CEP63: variants seen among roughly 807,000 people sequenced by gnomAD.
CEP63 encodes centrosomal protein 63, also known as centrosomal protein of 63 kDa.
A neutral mutation model predicts 89.1 loss-of-function variants in CEP63; 84 were observed. The observed-to-expected ratio is 0.94, with a 90% CI of 0.79 to 1.13. The LOEUF is 1.13. CEP63 is among the 50% of genes most tolerant of loss of function. The pLI, the probability that CEP63 is intolerant of heterozygous loss-of-function variation, is 0.00. For missense variants in CEP63, 838 were observed against 813.3 expected, an observed-to-expected ratio of 1.03 and a Z score of -0.37; for synonymous variants, 267 against 272.5, an observed-to-expected ratio of 0.98 and a Z score of 0.20.
chr3:134,675,237 C>T, the CEP63 span, among the ~76,000 whole-genome samples: 1 of 152,118 alleles, frequency 6.6e-6, no homozygotes, highest in Non-Finnish European at 1.5e-5. Flanking sequence ...ACCCATACAT[C>T]TATGGTCAAT....
the CEP63 span, among the ~76,000 whole-genome samples, chr3:134,689,587 G>C: frequency 6.3e-4 from 96 of 152,082 alleles, no homozygotes; most frequent in Middle Eastern, 3.4e-3. Context: ...AAATAGCTGG[G>C]ACTACAGGAG....
the CEP63 span, among the ~76,000 whole-genome samples, chr3:134,605,882 G>T: frequency 6.6e-6 from 1 of 152,134 alleles, no homozygotes; most frequent in Admixed American, 6.6e-5. Context: ...TCTGAGCACT[G>T]CTTAACTCCA....
the CEP63 span, among the ~76,000 whole-genome samples, chr3:134,719,161 A>C: frequency 1.3e-5 from 2 of 151,744 alleles, no homozygotes; most frequent in African/African-American, 4.9e-5. Flanking sequence ...GAAATGCAGC[A>C]TCTTTTTTTT....
At chr3:134,523,486 T>C (rs1353581432) in intron 3 of CEP63, among the ~76,000 whole-genome samples, 2 of 152,196 alleles carry the variant, frequency 1.3e-5, no homozygotes, top group Non-Finnish European at 2.9e-5. Context: ...AGAATGGCAT[T>C]GCTGGGGTTG....
chr3:134,523,432 C>A (rs1947936784), intron 3 of CEP63, among the ~76,000 whole-genome samples: 1 of 152,016 alleles, frequency 6.6e-6, no homozygotes, highest in South Asian at 2.1e-4. Flanking sequence ...GTTGCAGTTG[C>A]TTTTGGTGTC....
chr3:134,651,209 C>T, the CEP63 span: 2 of 1,315,522 alleles, frequency 1.5e-6, no homozygotes, highest in African/African-American at 1.5e-5. Flanking sequence ...ATCCCCGGGC[C>T]CAAGCCTTGA....
chr3:134,531,697 G>A, intron 3 of CEP63, 148 bp from the exon 4 acceptor site: 1 of 619,558 alleles, frequency 1.6e-6, no homozygotes, highest in Non-Finnish European at 2.9e-6. Flanking sequence ...CTAGGTATTT[G>A]ACTTCCTAAG....
the CEP63 span, among the ~76,000 whole-genome samples, chr3:134,711,530 T>C: frequency 6.6e-6 from 1 of 152,228 alleles, no homozygotes; most frequent in Admixed American, 6.5e-5. Context: ...CCTTGTTTGA[T>C]GACTCATGAC....
At chr3:134,590,460 C>A (rs1958577786), downstream of CEP63, among the ~76,000 whole-genome samples, 1 of 151,928 alleles carries the variant, frequency 6.6e-6, no homozygotes, top group Admixed American at 6.6e-5. Context: ...AAAAATATAC[C>A]TGCAAATACC....
the CEP63 span, among the ~76,000 whole-genome samples, chr3:134,772,676 C>T: frequency 5.3e-5 from 8 of 152,208 alleles, no homozygotes; most frequent in Admixed American, 5.2e-4. Context: ...GTGGGAGGAG[C>T]CTCTGCCACA....
At chr3:134,610,059 G>A in the CEP63 span, 19 of 917,718 alleles carry the variant, frequency 2.1e-5, no homozygotes, top group Non-Finnish European at 2.8e-5. Flanking sequence ...CTTCAGAGCC[G>A]AGGAGGAGTG....
chr3:134,613,138 C>T, the CEP63 span: 96,816 of 154,100 alleles, frequency 0.63, 30,884 homozygotes, highest in East Asian at 0.87. Context: ...ACTGATTTAG[C>T]GGCGCTGTGG....
At chr3:134,618,156 G>T in the CEP63 span, among the ~76,000 whole-genome samples, 1 of 152,160 alleles carries the variant, frequency 6.6e-6, no homozygotes, top group African/African-American at 2.4e-5. Flanking sequence ...TCAGCAGCCG[G>T]GTAGGTGCCT....
chr3:134,730,146 G>A, the CEP63 span, among the ~76,000 whole-genome samples: 3 of 152,296 alleles, frequency 2.0e-5, no homozygotes, highest in East Asian at 3.9e-4. Context: ...AGTACACCCA[G>A]TTATATTTAA....
At chr3:134,566,087 C>T (rs1285942775), downstream of CEP63, among the ~76,000 whole-genome samples, 3 of 151,756 alleles carry the variant, frequency 2.0e-5, no homozygotes, top group African/African-American at 4.8e-5. Flanking sequence ...AAAGCTATTT[C>T]TCCGCAGTGC....
At chr3:134,769,550 A>T in the CEP63 span, among the ~76,000 whole-genome samples, 1 of 152,356 alleles carries the variant, frequency 6.6e-6, no homozygotes, top group East Asian at 1.9e-4. Context: ...GGACTCCAAT[A>T]TCCACTGAAA....
chr3:134,508,282 T>C (rs1304989900), intron 3 of CEP63, among the ~76,000 whole-genome samples: 2 of 152,206 alleles, frequency 1.3e-5, no homozygotes, highest in Non-Finnish European at 2.9e-5. Flanking sequence ...TGTATCAAAG[T>C]TTTCTGCTAA....
chr3:134,578,775 A>G (rs1234562004), downstream of CEP63, among the ~76,000 whole-genome samples: 7 of 151,952 alleles, frequency 4.6e-5, no homozygotes, highest in African/African-American at 1.7e-4. Flanking sequence ...TTTCTTGTAA[A>G]TTTGTTTAAG....
chr3:134,545,548 T>G (rs1440486276), intron 6 of CEP63, 38 bp from the exon 7 acceptor site: 1 of 1,395,322 alleles, frequency 7.2e-7, no homozygotes, highest in South Asian at 1.2e-5. Context: ...ATTTTATCAT[T>G]TCCCTTTTAC....
Sources: gnomAD v4.1 joint callset for allele counts (sites outside exome capture counted in the v4.1 genomes callset) on GRCh38, gnomAD v4.1.1 for gene constraint, MANE v1.5 for transcripts, NCBI Gene and HGNC (gene_info 2026-07-23, HGNC 2026-07-21) for gene names.